The following RXYLT1 variants were observed in gnomAD, a reference collection of about 807,000 sequenced individuals.
The protein encoded by RXYLT1 is ribitol-5-phosphate xylosyltransferase 1.
In RXYLT1, 41 loss-of-function variants were observed where a neutral mutation model predicts 43.5. That is an observed-to-expected ratio of 0.94 (90% confidence interval 0.73 to 1.22). The LOEUF (loss-of-function observed/expected upper bound fraction) is 1.22, where lower values mean the gene tolerates loss of function less well. Among genes scored for constraint, RXYLT1 ranks in the 50% most tolerant of loss-of-function variants. The probability of loss-of-function intolerance (pLI) is 0.00; values close to 1 mark genes in which losing one functional copy is unlikely to be tolerated. For synonymous variants in RXYLT1, 166 were observed against 194.4 expected (o/e 0.85, Z 1.21); for missense variants, 514 against 532.0 (o/e 0.97, Z 0.33).
At chr12:63,799,943 A>G (rs1437366965) in intron 3 of RXYLT1, among the ~76,000 whole-genome samples, 1 of 152,192 alleles carries the variant, frequency 6.6e-6, no homozygotes, top group African/African-American at 2.4e-5. Context: ...TTAAATTACT[A>G]GGTTATCACT....
At chr12:63,787,609 T>A (rs1897833898) in intron 3 of RXYLT1, among the ~76,000 whole-genome samples, 1 of 152,064 alleles carries the variant, frequency 6.6e-6, no homozygotes, top group South Asian at 2.1e-4. Flanking sequence ...TTATGAAAAG[T>A]ATTTCTTTTG....
At chr12:63,805,483 A>G in intron 5 of RXYLT1, 79 bp downstream of exon 5, 3 of 1,385,362 alleles carry the variant, frequency 2.2e-6, no homozygotes, top group Non-Finnish European at 2.9e-6. Flanking sequence ...CAGGTTTCCA[A>G]AGAGGCATTG....
At chr12:63,796,798 TAAAG>T (rs1284421723) in intron 3 of RXYLT1, among the ~76,000 whole-genome samples, 7 of 151,522 alleles carry the variant, frequency 4.6e-5, no homozygotes, top group Admixed American at 2.0e-4. Context: ...AATTTAAAAA[TAAAG>T]AAAGTGCAAT....
chr12:63,791,748 A>G (rs1264548059), intron 3 of RXYLT1, among the ~76,000 whole-genome samples: 1 of 152,266 alleles, frequency 6.6e-6, no homozygotes, highest in Non-Finnish European at 1.5e-5. Context: ...TAAAGAGCTT[A>G]CTATGCGCCA....
intron 3 of RXYLT1, among the ~76,000 whole-genome samples, chr12:63,788,364 A>G (rs908963389): frequency 6.6e-6 from 1 of 152,218 alleles, no homozygotes; most frequent in African/African-American, 2.4e-5. Flanking sequence ...ACTTCTCTCT[A>G]GCTATGAAAG....
At chr12:63,785,648 T>C (rs1215451323) in intron 3 of RXYLT1, among the ~76,000 whole-genome samples, 1 of 152,146 alleles carries the variant, frequency 6.6e-6, no homozygotes, top group African/African-American at 2.4e-5. Context: ...TGAGTGTTTT[T>C]AAGTATATTA....
Position 63,785,004 on chromosome 12 carries a change from A to T in RXYLT1, c.360A>T (p.Leu120Phe), listed in dbSNP as rs752598614. The change falls in exon 3 of 6, where the codon TTA becomes TTT. Residue 120 changes from leucine (L) to phenylalanine (F), a missense_variant. By Grantham distance (22) the Leu-to-Phe change is conservative. Transcript: ENST00000261234. ...TCTGGGAGCATATTTTTGAAGGCTTACTTGATCCCAGCGATGTGACTGCTC... is the reference window on the plus strand; with the variant it reads ...TCTGGGAGCATATTTTTGAAGGCTTTCTTGATCCCAGCGATGTGACTGCTC... ...LYLWEHIFEGLLDPSDVTAQW... is the reference protein window; with the variant it reads ...LYLWEHIFEGFLDPSDVTAQW... 3.6e-5 allele frequency: 58 copies of T among 1,613,804 alleles called. No homozygotes were observed. Among genetic ancestry groups the T allele is most frequent in the Middle Eastern group, 1.6e-4 (1 of 6,084 alleles).
chr12:63,809,345 A>G lies in RXYLT1; in HGVS notation c.*253A>G. 3.0e-6 allele frequency: 1 copy of G among 337,852 alleles called. No individual in the cohort carries two copies. The highest frequency in any genetic ancestry group is 3.8e-5 in the South Asian group (1 of 26,584). 20.9% of individuals were successfully genotyped at this position (337,852 alleles called of 1,614,324 possible). On this transcript the variant is annotated 3_prime_UTR_variant, in exon 6 of 6. Transcript: ENST00000261234. Reference sequence around the variant, plus strand: ...GCCTAGTGATGACATATGTATTGCAATACATCACTCACGTGTTTGTGGTGA... The same window carrying G: ...GCCTAGTGATGACATATGTATTGCAGTACATCACTCACGTGTTTGTGGTGA...
chr12:63,782,502 C>A (rs112256531), intron 2 of RXYLT1: 5,040 of 456,264 alleles, frequency 0.011, 47 homozygotes, highest in Non-Finnish European at 0.016. Context: ...CAGAGCCCAT[C>A]AGCCTTCTTT....
chr12:63,794,914 T>A (rs1039715997), intron 3 of RXYLT1, among the ~76,000 whole-genome samples: 3 of 152,158 alleles, frequency 2.0e-5, no homozygotes, highest in African/African-American at 7.2e-5. Context: ...TAACCTCACC[T>A]GGGAAGTAAG....
At chr12:63,802,059 G>A in intron 3 of RXYLT1, 32 bp from the exon 4 acceptor site, 1 of 1,536,350 alleles carries the variant, frequency 6.5e-7, no homozygotes, top group Non-Finnish European at 8.8e-7. Context: ...GGCTTTGTTT[G>A]TCTCTTGTTT....
At chr12:63,783,196 C>T (rs1897724388) in intron 2 of RXYLT1, among the ~76,000 whole-genome samples, 2 of 152,228 alleles carry the variant, frequency 1.3e-5, no homozygotes, top group South Asian at 2.1e-4. Context: ...CATGGCGTCT[C>T]ACGCCCGTAA....
chr12:63,792,355 CTT>C (rs1305409917), intron 3 of RXYLT1, among the ~76,000 whole-genome samples: 9 of 152,146 alleles, frequency 5.9e-5, no homozygotes, highest in Non-Finnish European at 1.0e-4. Flanking sequence ...TGCTGAAACT[CTT>C]TCTCTCTCAT....
At chr12:63,793,861 C>T (rs1490051469) in intron 3 of RXYLT1, among the ~76,000 whole-genome samples, 2 of 152,096 alleles carry the variant, frequency 1.3e-5, no homozygotes, top group Admixed American at 6.6e-5. Context: ...TTAGGTTAAT[C>T]GCCCTTACCT....
intron 3 of RXYLT1, among the ~76,000 whole-genome samples, chr12:63,799,566 C>T (rs140896446): frequency 1.3e-5 from 2 of 152,148 alleles, no homozygotes; most frequent in African/African-American, 4.8e-5. Context: ...GCTGGGATTA[C>T]AGGCATGAGC....
At chr12:63,780,151 C>G in intron 1 of RXYLT1, 22 bp downstream of exon 1, 1 of 1,445,052 alleles carries the variant, frequency 6.9e-7, no homozygotes, top group Non-Finnish European at 9.0e-7. Flanking sequence ...TCGGCGGCTT[C>G]CTTCCGGCTC....
chr12:63,802,921 G>A (rs1898195796), intron 4 of RXYLT1, among the ~76,000 whole-genome samples: 1 of 151,572 alleles, frequency 6.6e-6, no homozygotes, highest in African/African-American at 2.4e-5. Context: ...TGTAATCCCA[G>A]CACTTTGGGA....
intron 2 of RXYLT1, among the ~76,000 whole-genome samples, chr12:63,783,460 C>CAA (rs58996292): frequency 7.5e-6 from 1 of 134,154 alleles, no homozygotes; most frequent in Non-Finnish European, 1.6e-5. Flanking sequence ...GACTCTGTCT[C>CAA]AAAAAAAAAA....
chr12:63,804,170 G>A (rs1592855290), intron 4 of RXYLT1: 1 of 152,162 alleles, frequency 6.6e-6, no homozygotes, highest in East Asian at 1.9e-4. Context: ...GTTTTTGATT[G>A]TCACAACTGG....
Sources: allele counts gnomAD v4.1 joint callset (sites outside exome capture counted in the v4.1 genomes callset), GRCh38; gene constraint gnomAD v4.1.1; transcripts MANE v1.5; gene names NCBI Gene and HGNC (gene_info 2026-07-23, HGNC 2026-07-21).